The following CFAP54 variants were observed in gnomAD, a reference collection of about 807,000 sequenced individuals.
CFAP54 encodes cilia and flagella associated protein 54.
In CFAP54, 290 loss-of-function variants were observed where a neutral mutation model predicts 370.4. The observed-to-expected ratio is 0.78, with a 90% confidence interval of 0.71 to 0.86. The LOEUF (loss-of-function observed/expected upper bound fraction) is 0.86, where lower values mean the gene tolerates loss of function less well. Ranked by LOEUF, CFAP54 falls within the 40% of genes least tolerant of loss-of-function variation. CFAP54 has a pLI of 0.00. For missense variants in CFAP54, 3,399 were observed against 3,528.7 expected (o/e 0.96, Z 0.93); for synonymous variants, 1,206 against 1,236.5 (o/e 0.98, Z 0.52).
chr12:96,847,189 A>G (rs1301811338), intron 66 of CFAP54, among the ~76,000 whole-genome samples: 1 of 152,196 alleles, frequency 6.6e-6, no homozygotes, highest in Non-Finnish European at 1.5e-5. Context: ...AGAGATGCAT[A>G]GGGCAGAGCA....
rs566289401 is a variant in CFAP54, at chr12:96,771,841, G to A, written c.8281+6623G>A. On this transcript the variant is annotated intron_variant, in intron 60 of 67. Coordinates refer to ENST00000524981, the MANE Select transcript of CFAP54 (RefSeq NM_001306084.2). ...TTGCAAAGGGATCCTTCTCCATGCA[G>A]GACAGAAGGGACTCTTCCTCAATCT... 3.9e-5 allele frequency among the ~76,000 whole-genome samples: 6 copies of A among 152,274 alleles called. No individual in the cohort carries two copies. The South Asian group carries it at 1.2e-3, about 32-fold the overall frequency.
chr12:96,802,682 C>A (rs1179072557), intron 63 of CFAP54, among the ~76,000 whole-genome samples: 2 of 152,124 alleles, frequency 1.3e-5, no homozygotes, highest in East Asian at 3.8e-4. Context: ...TATACATTTG[C>A]AGAACATGCA....
intron 12 of CFAP54, 120 bp downstream of exon 12, chr12:96,535,720 C>T (rs1372727289): frequency 5.0e-6 from 3 of 594,982 alleles, no homozygotes; most frequent in Non-Finnish European, 5.8e-6. Context: ...TTTGTTTAAT[C>T]ATTAGCATAT....
intron 66 of CFAP54, among the ~76,000 whole-genome samples, chr12:96,854,964 G>A (rs1395254319): frequency 6.6e-6 from 1 of 152,136 alleles, no homozygotes; most frequent in African/African-American, 2.4e-5. Flanking sequence ...AATTTGTAAA[G>A]GAAAGAGGTT....
intron 46 of CFAP54, among the ~76,000 whole-genome samples, chr12:96,700,498 T>G (rs1303433666): frequency 6.6e-6 from 1 of 152,238 alleles, no homozygotes; most frequent in East Asian, 1.9e-4. Flanking sequence ...ATTTTCATAC[T>G]TTATACCAAA....
intron 65 of CFAP54, among the ~76,000 whole-genome samples, chr12:96,820,770 C>T (rs1049134812): frequency 6.6e-6 from 1 of 151,850 alleles, no homozygotes; most frequent in Non-Finnish European, 1.5e-5. Flanking sequence ...GCATGATTGC[C>T]CTTTCATGTC....
At chr12:96,746,624 T>G (rs1958116715) in intron 55 of CFAP54, among the ~76,000 whole-genome samples, 1 of 152,212 alleles carries the variant, frequency 6.6e-6, no homozygotes, top group East Asian at 1.9e-4. Flanking sequence ...ATCCTTTAAG[T>G]AAATGATCTC....
chr12:96,553,618 A>T (rs1955721538), intron 15 of CFAP54, among the ~76,000 whole-genome samples: 2 of 149,678 alleles, frequency 1.3e-5, no homozygotes, highest in South Asian at 4.2e-4. Flanking sequence ...TTCCTTAAAA[A>T]ATCTGGAAAA....
At chr12:96,575,892 CAGTT>C (rs1211772023) in intron 19 of CFAP54, among the ~76,000 whole-genome samples, 1 of 152,022 alleles carries the variant, frequency 6.6e-6, no homozygotes, top group Non-Finnish European at 1.5e-5. Context: ...ACTTAGAGCT[CAGTT>C]AGAGAGTCTT....
chr12:96,526,209 G>A (rs1036029907), intron 8 of CFAP54, among the ~76,000 whole-genome samples: 1 of 152,134 alleles, frequency 6.6e-6, no homozygotes, highest in Non-Finnish European at 1.5e-5. Context: ...CTAAAACTAC[G>A]GTTCTTATTT....
chr12:96,844,947 GA>G (rs1337123158), intron 66 of CFAP54, among the ~76,000 whole-genome samples: 3 of 152,156 alleles, frequency 2.0e-5, no homozygotes, highest in Non-Finnish European at 4.4e-5. Context: ...TCAACTTTTG[GA>G]AGTGTTATGG....
At chr12:96,557,417 C>A (rs1215043974) in intron 17 of CFAP54, among the ~76,000 whole-genome samples, 1 of 151,940 alleles carries the variant, frequency 6.6e-6, no homozygotes, top group Non-Finnish European at 1.5e-5. Context: ...AAATTATGAC[C>A]CAGCAATGTC....
intron 18 of CFAP54, 43 bp downstream of exon 18, chr12:96,564,597 A>G (rs1253032753): frequency 1.5e-6 from 1 of 670,150 alleles, no homozygotes; most frequent in Non-Finnish European, 2.7e-6. Context: ...AAAATTTGGA[A>G]GATAGTTTTT....
intron 49 of CFAP54, among the ~76,000 whole-genome samples, chr12:96,719,689 A>G (rs971107738): frequency 2.0e-5 from 3 of 152,240 alleles, no homozygotes; most frequent in African/African-American, 7.2e-5. Flanking sequence ...ACGTATTCCC[A>G]GCTGAGTTGA....
intron 66 of CFAP54, among the ~76,000 whole-genome samples, chr12:96,833,154 A>G (rs570896548): frequency 6.6e-6 from 1 of 152,340 alleles, no homozygotes; most frequent in East Asian, 1.9e-4. Flanking sequence ...TAATCATGGA[A>G]TGTCAATAAC....
chr12:96,602,688 T>C (rs1335107708), intron 26 of CFAP54, among the ~76,000 whole-genome samples: 1 of 152,236 alleles, frequency 6.6e-6, no homozygotes, highest in East Asian at 1.9e-4. Flanking sequence ...TTTTGTTGAA[T>C]TGATCCCTTT....
intron 61 of CFAP54, among the ~76,000 whole-genome samples, chr12:96,785,255 C>G (rs916571432): frequency 3.3e-5 from 5 of 150,868 alleles, no homozygotes; most frequent in African/African-American, 1.2e-4. Context: ...GTCCAGTAGC[C>G]GGTATGTCAG....
intron 64 of CFAP54, among the ~76,000 whole-genome samples, chr12:96,815,715 A>T (rs1032250098): frequency 1.3e-5 from 2 of 152,158 alleles, no homozygotes; most frequent in African/African-American, 4.8e-5. Context: ...TAAGTCTTTA[A>T]TCCATCTTGA....
chr12:96,733,028 A>T (rs1230992272), intron 50 of CFAP54, among the ~76,000 whole-genome samples: 1 of 152,194 alleles, frequency 6.6e-6, no homozygotes, highest in Non-Finnish European at 1.5e-5. Flanking sequence ...AGAAACTAAA[A>T]ATTACAAAAT....
Sources: allele counts gnomAD v4.1 joint callset (sites outside exome capture counted in the v4.1 genomes callset), GRCh38; gene constraint gnomAD v4.1.1; transcripts MANE v1.5; gene names NCBI Gene and HGNC (gene_info 2026-07-23, HGNC 2026-07-21).